PDSS2: variants seen among roughly 807,000 people sequenced by gnomAD.
PDSS2 encodes the protein decaprenyl diphosphate synthase subunit 2.
In PDSS2, 31 loss-of-function variants were observed where a neutral mutation model predicts 44.5. The observed-to-expected ratio is 0.70, with a 90% CI of 0.52 to 0.94. PDSS2 has a LOEUF of 0.94. PDSS2 is among the 40% of genes least tolerant of loss of function. PDSS2 has a pLI of 0.00. For synonymous variants in PDSS2, 157 were observed against 180.3 expected, an observed-to-expected ratio of 0.87 and a Z score of 1.03; for missense variants, 452 against 482.2, an observed-to-expected ratio of 0.94 and a Z score of 0.59.
intron 4 of PDSS2, among the ~76,000 whole-genome samples, chr6:107,239,634 CTTTTTTTTT>C: frequency 1.3e-5 from 1 of 76,934 alleles, no homozygotes; most frequent in South Asian, 6.4e-4. Context: ...TGTACTCTAC[CTTTTTTTTT>C]TTTTTTTTTT....
intron 5 of PDSS2, 109 bp downstream of exon 5, chr6:107,212,000 C>CA (rs1430612650): frequency 2.4e-5 from 22 of 909,852 alleles, no homozygotes; most frequent in Non-Finnish European, 3.8e-5. Context: ...TTGAACCACA[C>CA]AATAAGCATT....
chr6:107,276,124 G>GAAAGA (rs1161733625), intron 2 of PDSS2, among the ~76,000 whole-genome samples: 144 of 12,706 alleles, frequency 0.011, no homozygotes, highest in African/African-American at 0.019. Context: ...CAAAAAAAAG[G>GAAAGA]AAAGAAAAGA....
At chr6:107,432,310 C>A (rs1781215987) in intron 1 of PDSS2, among the ~76,000 whole-genome samples, 1 of 152,120 alleles carries the variant, frequency 6.6e-6, no homozygotes, top group African/African-American at 2.4e-5. Flanking sequence ...AACAAATGAG[C>A]CCACTATTCA....
intron 7 of PDSS2, among the ~76,000 whole-genome samples, chr6:107,155,603 C>G (rs1462442258): frequency 2.2e-5 from 3 of 136,812 alleles, no homozygotes; most frequent in Non-Finnish European, 3.1e-5. Flanking sequence ...TTTTTTGAGA[C>G]GGAGTCTCAC....
chr6:107,258,283 C>T (rs1373380765), intron 3 of PDSS2, among the ~76,000 whole-genome samples: 1 of 151,920 alleles, frequency 6.6e-6, no homozygotes, highest in Non-Finnish European at 1.5e-5. Flanking sequence ...ACTTTATTAA[C>T]AATTTCCTTG....
In PDSS2 at chr6:107,154,564, ACCT is replaced by A; in HGVS notation, c.*52_*54del. 6.4e-7 allele frequency: 1 copy of A among 1,558,954 alleles called. No individual in the cohort carries two copies. Among genetic ancestry groups the A allele is most frequent in the South Asian group, 1.1e-5 (1 of 89,670 alleles). On this transcript the variant is annotated 3_prime_UTR_variant, in exon 8 of 8. Transcript: ENST00000369037. The stretch of plus-strand genomic sequence containing the variant: ...CGCATCGTGAAAGCGCTCCCAATCA[ACCT>A]CATTCCCTAGGATTTTCAGCTAACT...
intron 1 of PDSS2, among the ~76,000 whole-genome samples, chr6:107,444,996 A>T (rs1562545032): frequency 6.6e-6 from 1 of 152,182 alleles, no homozygotes; most frequent in Admixed American, 6.5e-5. Flanking sequence ...AAGAGTAATC[A>T]ATGAAAATAA....
At chr6:107,279,901 A>G (rs1775904417) in intron 2 of PDSS2, among the ~76,000 whole-genome samples, 2 of 152,312 alleles carry the variant, frequency 1.3e-5, no homozygotes, top group Admixed American at 1.3e-4. Context: ...CAGTATGAAA[A>G]AATTTGAGAA....
intron 7 of PDSS2, 50 bp downstream of exon 7, chr6:107,193,772 C>T: frequency 1.8e-6 from 2 of 1,095,646 alleles, no homozygotes; most frequent in Non-Finnish European, 1.4e-6. Context: ...GAAAGCCAAA[C>T]ACCAAATTGA....
intron 1 of PDSS2, among the ~76,000 whole-genome samples, chr6:107,406,891 A>C (rs575605962): frequency 3.2e-4 from 49 of 152,374 alleles, no homozygotes; most frequent in African/African-American, 1.2e-3. Context: ...GGGTTCACAG[A>C]TATCAAAAGT....
intron 7 of PDSS2, among the ~76,000 whole-genome samples, chr6:107,157,516 C>G (rs2115094516): frequency 6.6e-6 from 1 of 152,064 alleles, no homozygotes; most frequent in African/African-American, 2.4e-5. Flanking sequence ...ACCATCTCCC[C>G]CTGGGGCTGT....
At chr6:107,167,793 T>C (rs12210285) in intron 7 of PDSS2, among the ~76,000 whole-genome samples, 36,639 of 152,082 alleles carry the variant, frequency 0.24, 4,637 homozygotes, top group Middle Eastern at 0.34. Flanking sequence ...CAGTTTTGGG[T>C]GAGTTTCTTA....
intron 1 of PDSS2, among the ~76,000 whole-genome samples, chr6:107,346,856 C>T (rs1424282956): frequency 6.6e-6 from 1 of 152,192 alleles, no homozygotes; most frequent in Non-Finnish European, 1.5e-5. Context: ...CTTGAATCTT[C>T]TCTTGCTTAT....
At chr6:107,321,850 T>G (rs1777391010) in intron 2 of PDSS2, among the ~76,000 whole-genome samples, 1 of 152,218 alleles carries the variant, frequency 6.6e-6, no homozygotes, top group Admixed American at 6.5e-5. Flanking sequence ...CTGTTCCACT[T>G]TTGAAATCTC....
chr6:107,421,933 T>C lies in PDSS2; in HGVS notation c.296+37057A>G, dbSNP rs575331810. Among the ~76,000 whole-genome samples, 33 of 152,024 alleles carry C rather than the reference T, an allele frequency of 2.2e-4. 1 individual carries two copies. The South Asian group carries it at 6.9e-3, about 32-fold the overall frequency. The stretch of plus-strand genomic sequence containing the variant: ...CAATTTCCTGGTTTAAATAATGTTC[T>C]ATACTTATGCAAGATGTTACCACGG... On this transcript the variant is annotated intron_variant, in intron 1 of 7. Transcript: ENST00000369037.
chr6:107,341,192 GA>G (rs989156191), intron 1 of PDSS2, among the ~76,000 whole-genome samples: 16 of 152,108 alleles, frequency 1.1e-4, no homozygotes, highest in Admixed American at 4.6e-4. Flanking sequence ...GGATGGGGAA[GA>G]AAAGCTGAAT....
chr6:107,402,710 G>T (rs1021927858), intron 1 of PDSS2, among the ~76,000 whole-genome samples: 32 of 151,158 alleles, frequency 2.1e-4, no homozygotes, highest in African/African-American at 7.5e-4. Flanking sequence ...AAAACCATCA[G>T]ATCTAGATGG....
At chr6:107,339,550 C>T (rs527340724) in intron 1 of PDSS2, among the ~76,000 whole-genome samples, 4 of 152,064 alleles carry the variant, frequency 2.6e-5, no homozygotes, top group South Asian at 2.1e-4. Flanking sequence ...TAATAAAAAA[C>T]GAATCATGAG....
At chr6:107,293,438 T>C (rs1396430327) in intron 2 of PDSS2, among the ~76,000 whole-genome samples, 1 of 152,080 alleles carries the variant, frequency 6.6e-6, no homozygotes, top group Non-Finnish European at 1.5e-5. Flanking sequence ...AAAATATCTG[T>C]CCCCCTCCCC....
Sources: allele counts gnomAD v4.1 joint callset (sites outside exome capture counted in the v4.1 genomes callset), GRCh38; gene constraint gnomAD v4.1.1; transcripts MANE v1.5; gene names NCBI Gene and HGNC (gene_info 2026-07-23, HGNC 2026-07-21).